The following CNNM3 variants were observed in gnomAD, a reference collection of about 807,000 sequenced individuals.
CNNM3 encodes cyclin and CBS domain divalent metal cation transport mediator 3.
Under a neutral mutation model 57.1 loss-of-function variants are expected in CNNM3, and 47 were observed. The ratio of observed to expected loss-of-function variants is 0.82; its 90% CI spans 0.65 to 1.05. The LOEUF (loss-of-function observed/expected upper bound fraction) is 1.05, where lower values mean the gene tolerates loss of function less well. Ranked by LOEUF, CNNM3 falls within the 50% of genes least tolerant of loss-of-function variation. The probability of loss-of-function intolerance (pLI) is 0.00; values close to 1 mark genes in which losing one functional copy is unlikely to be tolerated. For missense variants in CNNM3, 957 were observed against 973.7 expected, an observed-to-expected ratio of 0.98 and a Z score of 0.23; for synonymous variants, 507 against 478.2, an observed-to-expected ratio of 1.06 and a Z score of -0.79.
downstream of CNNM3, among the ~76,000 whole-genome samples, chr2:96,836,088 C>CCCCCT (rs1553484522): frequency 7.0e-6 from 1 of 143,470 alleles, no homozygotes; most frequent in African/African-American, 2.7e-5. Flanking sequence ...CCCTCCCCCC[C>CCCCCT]TTTTTTTTTT....
rs2079653101 is a variant in CNNM3 at position 96,834,269 on chromosome 2, C to CT, written c.*1653_*1654insT. The stretch of plus-strand genomic sequence containing the variant: ...ACCTGGCAAATTAAAAATACGTGGA[C>CT]CTGCCACCAGAGCTTGTGATTTAAT... On this transcript the variant is annotated 3_prime_UTR_variant, in exon 8 of 8. Transcript: ENST00000305510. Among the ~76,000 whole-genome samples the CT allele has an allele frequency of 1.3e-5, 2 of 151,948 alleles. No homozygotes were observed. The highest frequency in any genetic ancestry group is 2.9e-5 in the Non-Finnish European group (2 of 68,002).
chr2:96,829,236 T>G, intron 7 of CNNM3, 102 bp downstream of exon 7: 1 of 1,377,658 alleles, frequency 7.3e-7, no homozygotes. Context: ...CTCTGTCTTT[T>G]TTCTCTCTTT....
intron 1 of CNNM3, among the ~76,000 whole-genome samples, chr2:96,820,273 A>G (rs1480309132): frequency 6.6e-6 from 1 of 152,074 alleles, no homozygotes; most frequent in Non-Finnish European, 1.5e-5. Flanking sequence ...AACAAGGAGG[A>G]GCAGCTGAGG....
intron 1 of CNNM3, among the ~76,000 whole-genome samples, chr2:96,821,892 G>C (rs1225939184): frequency 6.6e-6 from 1 of 152,092 alleles, no homozygotes; most frequent in Non-Finnish European, 1.5e-5. Context: ...TTGAAGTATG[G>C]TTTCTACTGA....
chr2:96,827,602 C>T (rs1053246735), intron 3 of CNNM3, 129 bp from the exon 4 acceptor site: 1 of 837,338 alleles, frequency 1.2e-6, no homozygotes, highest in African/African-American at 1.7e-5. Flanking sequence ...GTGTTAGGGG[C>T]AGCTGCTCAC....
In CNNM3 at chr2:96,816,484, G is replaced by A; in HGVS notation, c.207G>A (p.Pro69=). 1.4e-6 allele frequency: 2 copies of A among 1,458,516 alleles called. No homozygotes were observed. Among genetic ancestry groups the A allele is most frequent in the Non-Finnish European group, 1.8e-6 (2 of 1,105,910 alleles). The allele number at this position is 1,458,516 out of a possible 1,614,324, so 90.3% of individuals were successfully genotyped here. The stretch of plus-strand genomic sequence containing the variant: ...CCTTCCTCCTGCGCCTCTTCGGCCC[G>A]GGCTTCGCCAACAGCTCTTGGTCCT... ...DATFLLRLFG[P]GFANSSWSWV... The change falls in exon 1 of 8, where the codon CCG becomes CCA. Residue 69 remains proline, a synonymous_variant. Transcript: ENST00000305510.
rs2079646497 is a variant in CNNM3, at chr2:96,833,901, T to C, written c.*1285T>C. On this transcript the variant is annotated 3_prime_UTR_variant, in exon 8 of 8. Coordinates refer to ENST00000305510, the MANE Select transcript of CNNM3 (RefSeq NM_017623.5). ...GTTGGAAACAGATGCTTTAAAATCC[T>C]CTCTCCAGAACAGTGGTTTTTTGTT... 1 of 152,256 alleles carries C rather than the reference T, an allele frequency of 6.6e-6. No individual in the cohort carries two copies. The highest frequency in any genetic ancestry group is 1.5e-5 in the Non-Finnish European group (1 of 68,060). The allele number at this position is 152,256 out of a possible 1,614,324, so 9.4% of individuals were successfully genotyped here.
intron 1 of CNNM3, among the ~76,000 whole-genome samples, chr2:96,821,263 C>T (rs757883255): frequency 6.6e-6 from 1 of 152,096 alleles, no homozygotes; most frequent in Admixed American, 6.6e-5. Flanking sequence ...GTGTTAAAGT[C>T]CTTTTTGTCC....
At chr2:96,828,863 T>C in intron 6 of CNNM3, 133 bp from the exon 7 acceptor site, 1 of 1,483,004 alleles carries the variant, frequency 6.7e-7, no homozygotes, top group South Asian at 1.3e-5. Flanking sequence ...AACACTTGAC[T>C]CAGTTGCTCT....
Position 96,817,237 on chromosome 2 carries a change from C to A in CNNM3, c.960C>A (p.Pro320=). 3 of 1,607,184 alleles carry A rather than the reference C, an allele frequency of 1.9e-6. No homozygotes were observed. The highest frequency in any genetic ancestry group is 2.5e-6 in the Non-Finnish European group (3 of 1,178,492). ...RCRTVEDVLT[P]LEDCFMLDAS... ...GGACCGTGGAGGACGTGCTCACGCC[C>A]CTCGAAGACTGCTTCATGCTGGACG... Residue 320 remains proline, a synonymous_variant, in exon 1 of 8, where the codon CCC becomes CCA. Coordinates refer to ENST00000305510, the MANE Select transcript of CNNM3 (RefSeq NM_017623.5).
Position 96,825,258 on chromosome 2 carries a change from G to T in CNNM3, c.1369+57G>T, listed in dbSNP as rs545990189. ...GCTGGGCCTGCACACTTCCCCAGGC[G>T]TATGTTGCGTCAGAGGCCAGTGGGC... On this transcript the variant is annotated intron_variant, in intron 2 of 7. Coordinates refer to ENST00000305510, the MANE Select transcript of CNNM3 (RefSeq NM_017623.5). The T allele has an allele frequency of 1.0e-5, 16 of 1,588,796 alleles. No homozygotes were observed. In the South Asian group the frequency reaches 1.7e-4, roughly 17 times the overall value.
intron 1 of CNNM3, chr2:96,824,732 G>A (rs185428155): frequency 3.2e-6 from 1 of 312,388 alleles, no homozygotes; most frequent in Admixed American, 4.5e-5. Context: ...CCACTGGAGG[G>A]AGGCATCCTT....
chr2:96,828,799 A>T, intron 6 of CNNM3, 99 bp downstream of exon 6: 5 of 1,533,608 alleles, frequency 3.3e-6, no homozygotes, highest in Non-Finnish European at 4.5e-6. Flanking sequence ...AAGGCCTTCC[A>T]CTCATCCTGA....
chr2:96,828,086 C>T lies in CNNM3; in HGVS notation c.1690-13C>T. ...CTGGCCGCATCTGTTTCTCTCCTTG[C>T]CACTCCTCCCAGGGCAGGGTTGAAG... On this transcript the variant is annotated splice_polypyrimidine_tract_variant and intron_variant, in intron 4 of 7. Transcript: ENST00000305510. 1 of 1,611,710 alleles carries T rather than the reference C, an allele frequency of 6.2e-7. No individual in the cohort carries two copies. Among genetic ancestry groups the T allele is most frequent in the Non-Finnish European group, 8.5e-7 (1 of 1,177,920 alleles).
Position 96,828,651 on chromosome 2 carries a change from A to G in CNNM3, c.1871A>G (p.Tyr624Cys), listed in dbSNP as rs773642498. The G allele has an allele frequency of 1.9e-6, 3 of 1,613,972 alleles. No homozygotes were observed. Among genetic ancestry groups the G allele is most frequent in the African/African-American group, 2.7e-5 (2 of 74,892 alleles). ...DPGDGTHSSA[Y>C]CPDYTVRALS... ...GGTGACGGCACGCATTCATCTGCGT[A>G]TTGTCCCGACTACACCGTGAGGGCG... Residue 624 changes from tyrosine to cysteine, a missense_variant, in exon 6 of 8, where the codon TAT becomes TGT. By Grantham distance (194) the Tyr-to-Cys change is radical (BLOSUM62 -2). Around this residue, in one of 2 missense-constraint regions of CNNM3, gnomAD observed 491 missense variants for 570.6 expected, o/e 0.86. Transcript: ENST00000305510.
chr2:96,821,776 T>C lies in CNNM3; in HGVS notation c.1226-3282T>C, dbSNP rs72811620. Among the ~76,000 whole-genome samples, 444 of 152,314 alleles carry C rather than the reference T, an allele frequency of 2.9e-3. 1 individual carries two copies. Among genetic ancestry groups the C allele is most frequent in the Admixed American group, 5.8e-3 (88 of 15,302 alleles). On this transcript the variant is annotated intron_variant, in intron 1 of 7. Coordinates refer to ENST00000305510, the MANE Select transcript of CNNM3 (RefSeq NM_017623.5). ...CAGAACACTTACTTTAGCCTGCAGT[T>C]GGGCAAAGTCATCTAACACAAAACT...
chr2:96,817,569 G>C, intron 1 of CNNM3, 67 bp downstream of exon 1: 12 of 1,480,600 alleles, frequency 8.1e-6, no homozygotes, highest in Non-Finnish European at 1.1e-5. Flanking sequence ...GGGGTGGAGA[G>C]TTATGGAAGC....
rs1028632692 is a variant in CNNM3, at chr2:96,834,040, CCT to C, written c.*1425_*1426del. ...TCAAGCCATTCTCCTGTCTCAGCCC[CCT>C]GAGTAGCTGGGATTACAGGTGCCCA... On this transcript the variant is annotated 3_prime_UTR_variant, in exon 8 of 8. Transcript: ENST00000305510. 2.0e-5 allele frequency: 3 copies of C among 152,278 alleles called. No individual in the cohort carries two copies. The highest frequency in any genetic ancestry group is 1.9e-4 in the East Asian group (1 of 5,168). 9.4% of individuals were successfully genotyped at this position (152,278 alleles called of 1,614,324 possible). A position where few individuals can be genotyped will look rare whatever the true frequency, so the allele number is the denominator to read the frequency against.
At position 96,830,205 on chromosome 2, in the gene CNNM3, TG is replaced by T. The variant is rs147101384; in HGVS notation, c.2059+1075del. 7.5e-3 allele frequency among the ~76,000 whole-genome samples: 1,135 copies of T among 152,246 alleles called. 10 individuals are homozygous for T. Among genetic ancestry groups the T allele is most frequent in the African/African-American group, 0.026 (1,094 of 41,546 alleles). ...AACTTGAGATTCCTGGAAGAGCTGGTGGGGCTGTGGAGGGAGCTGCAGGCTT... is the reference window on the plus strand; with the variant it reads ...AACTTGAGATTCCTGGAAGAGCTGGTGGGCTGTGGAGGGAGCTGCAGGCTT... On this transcript the variant is annotated intron_variant, in intron 7 of 7. Coordinates refer to ENST00000305510, the MANE Select transcript of CNNM3 (RefSeq NM_017623.5).
Sources: gnomAD v4.1 joint callset for allele counts (sites outside exome capture counted in the v4.1 genomes callset) on GRCh38, gnomAD v4.1.1 for gene constraint, gnomAD v4.1.1 regional missense constraint, MANE v1.5 for transcripts, NCBI Gene and HGNC (gene_info 2026-07-23, HGNC 2026-07-21) for gene names.